The following GIPR variants were observed in gnomAD, a reference collection of about 807,000 sequenced individuals.
The protein encoded by GIPR is gastric inhibitory polypeptide receptor, also known as GIP-R.
A neutral mutation model predicts 62.2 loss-of-function variants in GIPR; 74 were observed. The ratio of observed to expected loss-of-function variants is 1.19; its 90% CI spans 0.99 to 1.44. The LOEUF is 1.44. GIPR is among the 40% of genes most tolerant of loss of function. GIPR has a pLI of 0.00. For missense variants in GIPR, 664 were observed against 611.8 expected, an observed-to-expected ratio of 1.09 and a Z score of -0.90; for synonymous variants, 256 against 262.2, an observed-to-expected ratio of 0.98 and a Z score of 0.23.
chr19:45,674,077 C>G lies in GIPR; in HGVS notation c.388C>G (p.Gln130Glu). The part of the protein sequence containing the change: ...NPEKNEAFLD[Q>E]RLILERLQVM... Reference sequence around the variant, plus strand: ...TTCCCCTTCTTGCCCCGACCAGGACCAAAGGCTCATCTTGGAGCGGTTGCA... The same window carrying G: ...TTCCCCTTCTTGCCCCGACCAGGACGAAAGGCTCATCTTGGAGCGGTTGCA... Residue 130 changes from glutamine (Q) to glutamate (E), a missense_variant, in exon 6 of 14, where the codon CAA (glutamine) becomes GAA (glutamate). By Grantham distance (29) the Gln-to-Glu change is conservative. Coordinates refer to ENST00000590918, the MANE Select transcript of GIPR (RefSeq NM_000164.4). 6.2e-7 allele frequency: 1 copy of G among 1,605,550 alleles called. No homozygotes were observed. Among genetic ancestry groups the G allele is most frequent in the Non-Finnish European group, 8.5e-7 (1 of 1,172,236 alleles).
chr19:45,673,972 G>C lies in GIPR; in HGVS notation c.385-102G>C, dbSNP rs1975692339. 7.6e-6 allele frequency: 6 copies of C among 791,950 alleles called. No homozygotes were observed. In the East Asian group the frequency reaches 1.5e-4, roughly 19 times the overall value. The allele number at this position is 791,950 out of a possible 1,614,324, so 49.1% of individuals were successfully genotyped here. On this transcript the variant is annotated intron_variant, in intron 5 of 13. Transcript: ENST00000590918. ...GTAAGCAGTTCCCCAAGATAAAATA[G>C]GGTATTTGGGCAGAAACAAAGAGCA...
intron 1 of GIPR, 28 bp from the exon 2 acceptor site, chr19:45,669,449 G>A: frequency 1.3e-6 from 2 of 1,536,158 alleles, no homozygotes; most frequent in Non-Finnish European, 1.7e-6. Context: ...GAGGGCAGAG[G>A]TGCTGACCTT....
chr19:45,683,524 C>T lies in GIPR; in HGVS notation c.*1589C>T, dbSNP rs548009707. On this transcript the variant is annotated 3_prime_UTR_variant, in exon 14 of 14. Transcript: ENST00000590918. ...TAAATCCTCCCCCTACACATATGCA[C>T]ACTTAAGTTACCGTATGGGTGTTGT... 6.6e-6 allele frequency: 1 copy of T among 152,356 alleles called. No homozygotes were observed. Among genetic ancestry groups the T allele is most frequent in the East Asian group, 1.9e-4 (1 of 5,182 alleles). The allele number at this position is 152,356 out of a possible 1,614,324, so 9.4% of individuals were successfully genotyped here. A position where few individuals can be genotyped will look rare whatever the true frequency, so the allele number is the denominator to read the frequency against.
intron 9 of GIPR, 154 bp from the exon 10 acceptor site, chr19:45,677,556 A>G: frequency 1.2e-6 from 1 of 830,036 alleles, no homozygotes; most frequent in Non-Finnish European, 2.1e-6. Flanking sequence ...GGCAATCGGC[A>G]AGGGGAGGGG....
chr19:45,670,763 G>C, intron 3 of GIPR, 29 bp downstream of exon 3: 3 of 1,364,946 alleles, frequency 2.2e-6, no homozygotes, highest in Non-Finnish European at 3.1e-6. Flanking sequence ...GGGACGCGGG[G>C]AGGACCTGAG....
chr19:45,679,340 G>T (rs1967111255), intron 12 of GIPR, among the ~76,000 whole-genome samples: 1 of 152,078 alleles, frequency 6.6e-6, no homozygotes, highest in Non-Finnish European at 1.5e-5. Context: ...AAATTAGCTG[G>T]ATGTGGTGGC....
chr19:45,672,608 AC>A, intron 4 of GIPR: 1 of 449,726 alleles, frequency 2.2e-6, no homozygotes, highest in East Asian at 4.6e-5. Context: ...CCCAGCCTTA[AC>A]ATTTTGTACC....
chr19:45,681,640 A>G lies in GIPR; in HGVS notation c.1189A>G (p.Lys397Glu). The change falls in exon 13 of 14, where the codon AAG (lysine) becomes GAG (glutamate). Residue 397 changes from lysine to glutamate, a missense_variant. Physicochemically the swap from Lys to Glu is moderately conservative, Grantham distance 56. Transcript: ENST00000590918. ...LVSVLYCFIN[K>E]EVQSEIRRGW... The stretch of plus-strand genomic sequence containing the variant: ...CAGCGTCCTCTACTGCTTCATCAAC[A>G]AGGAGGTAGGCAGAGACCCGGCCGC... The G allele has an allele frequency of 6.2e-7, 1 of 1,613,624 alleles. No individual in the cohort carries two copies. The highest frequency in any genetic ancestry group is 8.5e-7 in the Non-Finnish European group (1 of 1,179,780).
intron 4 of GIPR, 112 bp downstream of exon 4, chr19:45,671,504 C>T (rs1292752295): frequency 4.1e-6 from 3 of 737,870 alleles, no homozygotes; most frequent in Non-Finnish European, 7.3e-6. Context: ...TCTCCTGCTC[C>T]TCTTTGCCCC....
At chr19:45,676,523 T>C (rs1053339290) in intron 7 of GIPR, among the ~76,000 whole-genome samples, 3 of 120,734 alleles carry the variant, frequency 2.5e-5, no homozygotes, top group Non-Finnish European at 3.2e-5. Context: ...AACCTCCACC[T>C]CCCGGGTTCA....
chr19:45,679,823 G>A (rs1015064899), intron 12 of GIPR, among the ~76,000 whole-genome samples: 1 of 151,794 alleles, frequency 6.6e-6, no homozygotes, highest in African/African-American at 2.4e-5. Context: ...AGGCTGCAGT[G>A]CAATGGTGCC....
At position 45,682,233 on chromosome 19, in the gene GIPR, G is replaced by A. The variant is rs1022683796; in HGVS notation, c.*298G>A. ...GAAAGAGGTGAAAGAGATCACTTTG[G>A]GGAGAGCTGGAGAACAGGATTCTAG... On this transcript the variant is annotated 3_prime_UTR_variant, in exon 14 of 14. Coordinates refer to ENST00000590918, the MANE Select transcript of GIPR (RefSeq NM_000164.4). 3.4e-5 allele frequency: 14 copies of A among 412,296 alleles called. No individual in the cohort carries two copies. Among genetic ancestry groups the A allele is most frequent in the African/African-American group, 2.6e-4 (12 of 46,932 alleles). The allele number at this position is 412,296 out of a possible 1,614,324, so 25.5% of individuals were successfully genotyped here.
Position 45,678,102 on chromosome 19 carries a change from C to G in GIPR, c.1028C>G (p.Thr343Arg). The G allele has an allele frequency of 1.9e-6, 3 of 1,612,656 alleles. No homozygotes were observed. The highest frequency in any genetic ancestry group is 2.5e-6 in the Non-Finnish European group (3 of 1,179,922). The change falls in exon 12 of 14, where the codon ACG becomes AGG. Residue 343 changes from threonine (T) to arginine (R), a missense_variant. By Grantham distance (71) the Thr-to-Arg change is moderately conservative. Transcript: ENST00000590918. ...RDYRLRLARSTLTLVPLLGVH... is the reference protein window; with the variant it reads ...RDYRLRLARSRLTLVPLLGVH... ...TCTCTCCCCAGGCTGGCTCGCTCCA[C>G]GCTGACGCTGGTGCCCCTGCTGGGT...
chr19:45,674,215 G>A, intron 6 of GIPR, 38 bp downstream of exon 6: 1 of 1,304,322 alleles, frequency 7.7e-7, no homozygotes, highest in Non-Finnish European at 1.1e-6. Context: ...GCAGAGATGT[G>A]AGCTCGGCCT....
chr19:45,676,995 T>C lies in GIPR; in HGVS notation c.680T>C (p.Val227Ala). The change falls in exon 8 of 14, where the codon GTG (valine) becomes GCG (alanine). Residue 227 changes from valine (V) to alanine (A), a missense_variant. Val to Ala is a moderately conservative substitution (Grantham distance 64). Transcript: ENST00000590918. The stretch of plus-strand genomic sequence containing the variant: ...GCCCAGATCGTGACCCAGTACTGCG[T>C]GGGTGCCAACTACACGTGGCTGCTG... ...RTAQIVTQYC[V>A]GANYTWLLVE... The C allele has an allele frequency of 6.2e-7, 1 of 1,614,032 alleles. No homozygotes were observed. The highest frequency in any genetic ancestry group is 1.6e-4 in the Middle Eastern group (1 of 6,062).
At chr19:45,671,703 G>A (rs572411947) in intron 4 of GIPR, among the ~76,000 whole-genome samples, 3 of 152,140 alleles carry the variant, frequency 2.0e-5, no homozygotes, top group African/African-American at 7.2e-5. Context: ...GGGTTCAAGC[G>A]ATTCTCCAGC....
chr19:45,682,098 C>G lies in GIPR; in HGVS notation c.*163C>G. On this transcript the variant is annotated 3_prime_UTR_variant, in exon 14 of 14. Coordinates refer to ENST00000590918, the MANE Select transcript of GIPR (RefSeq NM_000164.4). Reference sequence around the variant, plus strand: ...GAGTGGGGAAAACAGACCGTGAACACAAAACATCAAGTTCCACACACGCTA... The same window carrying G: ...GAGTGGGGAAAACAGACCGTGAACAGAAAACATCAAGTTCCACACACGCTA... The G allele has an allele frequency of 1.5e-6, 1 of 658,006 alleles. No homozygotes were observed. Among genetic ancestry groups the G allele is most frequent in the Admixed American group, 2.5e-5 (1 of 39,926 alleles). 40.8% of individuals were successfully genotyped at this position (658,006 alleles called of 1,614,324 possible).
Position 45,682,117 on chromosome 19 carries a change from C to A in GIPR, c.*182C>A. On this transcript the variant is annotated 3_prime_UTR_variant, in exon 14 of 14. Transcript: ENST00000590918. ...TGAACACAAAACATCAAGTTCCACA[C>A]ACGCTATGGAATGGTTATGAAGGGA... 1.6e-6 allele frequency: 1 copy of A among 643,306 alleles called. No individual in the cohort carries two copies. The highest frequency in any genetic ancestry group is 2.8e-5 in the East Asian group (1 of 35,318). The allele number at this position is 643,306 out of a possible 1,614,324, so 39.8% of individuals were successfully genotyped here.
Position 45,677,324 on chromosome 19 carries a change from G to C in GIPR, c.795G>C (p.Gly265=). The C allele has an allele frequency of 6.3e-7, 1 of 1,582,834 alleles. No individual in the cohort carries two copies. Among genetic ancestry groups the C allele is most frequent in the Non-Finnish European group, 8.6e-7 (1 of 1,162,066 alleles). ...HFRYYLLLGW[G]APALFVIPWV... is the part of the protein sequence containing the mutation. ...GGGGCGGGGTCGGGGTCTGCACAGG[G>C]GCCCCCGCGCTTTTCGTCATTCCCT... The change falls in exon 9 of 14, where the codon GGG becomes GGC. Residue 265 remains glycine, a splice_region_variant and synonymous_variant. Transcript: ENST00000590918.
Sources: allele counts gnomAD v4.1 joint callset (sites outside exome capture counted in the v4.1 genomes callset), GRCh38; gene constraint gnomAD v4.1.1; transcripts MANE v1.5; gene names NCBI Gene and HGNC (gene_info 2026-07-23, HGNC 2026-07-21).